The following PPP2R2B variants were observed in gnomAD, a reference collection of about 807,000 sequenced individuals.
The protein encoded by PPP2R2B is serine/threonine-protein phosphatase 2A 55 kDa regulatory subunit B beta isoform.
PPP2R2B carries 5 observed loss-of-function variants against 46.0 expected under a neutral mutation model. That is an observed-to-expected ratio of 0.11 (90% CI 0.06 to 0.23). PPP2R2B has a LOEUF of 0.23. Ranked by LOEUF, PPP2R2B falls within the 10% of genes least tolerant of loss-of-function variation. PPP2R2B has a pLI of 1.00. For synonymous variants in PPP2R2B, 215 were observed against 206.7 expected (o/e 1.04, Z -0.34); for missense variants, 367 against 575.0 (o/e 0.64, Z 3.70).
intron 2 of PPP2R2B, among the ~76,000 whole-genome samples, chr5:146,865,216 C>G (rs1362437787): frequency 6.6e-6 from 1 of 151,884 alleles, no homozygotes; most frequent in Non-Finnish European, 1.5e-5. Context: ...GGGGCAAAAG[C>G]AAACAAACAA....
At chr5:146,851,177 C>A (rs1442510679) in intron 2 of PPP2R2B, among the ~76,000 whole-genome samples, 1 of 152,120 alleles carries the variant, frequency 6.6e-6, no homozygotes, top group Non-Finnish European at 1.5e-5. Flanking sequence ...AATCCTGTCC[C>A]TCAGAGATCT....
At chr5:146,977,360 C>T (rs1228835096) in intron 1 of PPP2R2B, among the ~76,000 whole-genome samples, 2 of 151,966 alleles carry the variant, frequency 1.3e-5, no homozygotes, top group African/African-American at 4.8e-5. Context: ...TCCTGTGTAA[C>T]AGTCTCTTTT....
At chr5:146,601,461 TG>T (rs1244921609) in intron 7 of PPP2R2B, among the ~76,000 whole-genome samples, 3 of 152,134 alleles carry the variant, frequency 2.0e-5, no homozygotes, top group African/African-American at 7.2e-5. Flanking sequence ...TGGTGGGGCA[TG>T]CCTGTGGTCC....
chr5:146,718,391 A>G (rs575998166), intron 2 of PPP2R2B, among the ~76,000 whole-genome samples: 1 of 152,184 alleles, frequency 6.6e-6, no homozygotes, highest in South Asian at 2.1e-4. Context: ...CCATCTTAAA[A>G]AAAAAAAAGT....
chr5:147,034,128 T>C (rs1353981604), intron 1 of PPP2R2B, among the ~76,000 whole-genome samples: 1 of 152,220 alleles, frequency 6.6e-6, no homozygotes, highest in African/African-American at 2.4e-5. Context: ...CTTTCTTTTA[T>C]GCTAACATAG....
intron 7 of PPP2R2B, among the ~76,000 whole-genome samples, chr5:146,618,994 C>G (rs545610453): frequency 6.6e-6 from 1 of 152,310 alleles, no homozygotes; most frequent in East Asian, 1.9e-4. Context: ...AGTCCTACCC[C>G]CTTGTCCTGG....
chr5:147,080,822 G>A (rs1418557302), intron 2 of PPP2R2B, among the ~76,000 whole-genome samples: 1 of 151,962 alleles, frequency 6.6e-6, no homozygotes, highest in Non-Finnish European at 1.5e-5. Context: ...CTCTGTCTCT[G>A]CAAATCTACT....
intron 1 of PPP2R2B, among the ~76,000 whole-genome samples, chr5:146,931,819 C>T (rs956412076): frequency 1.3e-5 from 2 of 152,142 alleles, no homozygotes; most frequent in South Asian, 2.1e-4. Flanking sequence ...ATGGAAAACA[C>T]TTCTTAATTC....
intron 1 of PPP2R2B, among the ~76,000 whole-genome samples, chr5:146,885,785 C>T (rs532225453): frequency 6.6e-6 from 1 of 152,214 alleles, no homozygotes; most frequent in African/African-American, 2.4e-5. Flanking sequence ...GAATATTATT[C>T]AGCTGCAGAA....
At chr5:147,038,055 T>C (rs879507973) in intron 1 of PPP2R2B, among the ~76,000 whole-genome samples, 1 of 152,210 alleles carries the variant, frequency 6.6e-6, no homozygotes, top group South Asian at 2.1e-4. Flanking sequence ...GATTGTGTTA[T>C]GGGATACTTT....
At position 146,899,258 on chromosome 5, in the gene PPP2R2B, A is replaced by G. The variant is rs377376662; in HGVS notation, c.79+156407T>C. Among the ~76,000 whole-genome samples, 104 of 147,654 alleles carry G rather than the reference A, an allele frequency of 7.0e-4. No individual in the cohort carries two copies. The East Asian group carries it at 0.016, about 23-fold the overall frequency. On this transcript the variant is annotated intron_variant, in intron 1 of 8. Transcript: ENST00000336640. Reference sequence around the variant, plus strand: ...AAGAATGATAGACTGGATTAAGAAAATGTGGCACATATACACCATGGAATA... The same window carrying G: ...AAGAATGATAGACTGGATTAAGAAAGTGTGGCACATATACACCATGGAATA...
upstream of PPP2R2B, among the ~76,000 whole-genome samples, chr5:146,881,186 G>A (rs555067024): frequency 7.2e-5 from 11 of 152,182 alleles, no homozygotes; most frequent in Non-Finnish European, 1.2e-4. Context: ...GGGCATTTCC[G>A]CATGCTATGT....
intron 1 of PPP2R2B, among the ~76,000 whole-genome samples, chr5:147,029,654 A>C (rs775344537): frequency 6.6e-6 from 1 of 152,154 alleles, no homozygotes; most frequent in Non-Finnish European, 1.5e-5. Context: ...AAGGAGGTAA[A>C]TAAGGTTAAA....
chr5:146,781,123 G>A (rs1755483247), intron 2 of PPP2R2B, among the ~76,000 whole-genome samples: 1 of 72,208 alleles, frequency 1.4e-5, no homozygotes, highest in South Asian at 4.5e-4. Flanking sequence ...CATACATAAT[G>A]CCACCATGAT....
intron 1 of PPP2R2B, among the ~76,000 whole-genome samples, chr5:147,049,281 A>G (rs1168607449): frequency 6.6e-6 from 1 of 152,130 alleles, no homozygotes; most frequent in African/African-American, 2.4e-5. Flanking sequence ...AGAAAGAAGG[A>G]AATTGAGGAT....
chr5:146,838,576 A>G (rs914926857), intron 2 of PPP2R2B, among the ~76,000 whole-genome samples: 2 of 151,816 alleles, frequency 1.3e-5, no homozygotes, highest in Non-Finnish European at 2.9e-5. Flanking sequence ...ATCTCAAAAA[A>G]AAAAAAAAGA....
intron 2 of PPP2R2B, chr5:146,707,093 C>G (rs1449932998): frequency 6.5e-7 from 1 of 1,536,732 alleles, no homozygotes; most frequent in Non-Finnish European, 8.9e-7. Flanking sequence ...TTCTTGAAGT[C>G]CTCCACCAGC....
intron 5 of PPP2R2B, among the ~76,000 whole-genome samples, chr5:146,683,363 T>C (rs910346612): frequency 7.9e-5 from 12 of 152,188 alleles, no homozygotes; most frequent in Non-Finnish European, 1.5e-5. Context: ...GGACAGCAGC[T>C]TGGGTTTTAG....
chr5:147,079,941 G>A (rs1217730458), intron 2 of PPP2R2B, among the ~76,000 whole-genome samples: 2 of 152,022 alleles, frequency 1.3e-5, no homozygotes, highest in African/African-American at 4.8e-5. Flanking sequence ...ACATCACACT[G>A]TACCTTATAA....
Sources: allele counts gnomAD v4.1 joint callset (sites outside exome capture counted in the v4.1 genomes callset), GRCh38; gene constraint gnomAD v4.1.1; transcripts MANE v1.5; gene names NCBI Gene and HGNC (gene_info 2026-07-23, HGNC 2026-07-21).